Variants in ST18 observed in about 807,000 individuals in gnomAD.
The protein encoded by ST18 is suppression of tumorigenicity 18 protein.
ST18 carries 50 observed loss-of-function variants against 110.0 expected under a neutral mutation model. That is an observed-to-expected ratio of 0.45 (90% CI 0.36 to 0.58). The LOEUF is 0.58. Among genes scored for constraint, ST18 ranks in the 20% least tolerant of loss-of-function variants. The probability of loss-of-function intolerance (pLI) is 0.00; values close to 1 mark genes in which losing one functional copy is unlikely to be tolerated. For synonymous variants in ST18, 461 were observed against 452.4 expected (o/e 1.02, Z -0.24); for missense variants, 1,306 against 1,280.1 (o/e 1.02, Z -0.31).
intron 2 of ST18, among the ~76,000 whole-genome samples, chr8:52,266,051 G>C (rs2094857169): frequency 6.6e-6 from 1 of 152,190 alleles, no homozygotes. Context: ...TACTGGCAAG[G>C]AGTCAAATTA....
At chr8:52,169,589 G>A (rs917931737) in intron 10 of ST18, among the ~76,000 whole-genome samples, 1 of 152,170 alleles carries the variant, frequency 6.6e-6, no homozygotes, top group African/African-American at 2.4e-5. Flanking sequence ...GGGAGGTTAG[G>A]TTGGTATTTT....
chr8:52,405,239 G>A (rs958223183), intron 2 of ST18: 2 of 152,078 alleles, frequency 1.3e-5, no homozygotes, highest in African/African-American at 4.8e-5. Context: ...TTTTTAAAAC[G>A]GTGATTTAGG....
chr8:52,138,766 A>G (rs547496763), intron 17 of ST18, among the ~76,000 whole-genome samples: 4 of 152,322 alleles, frequency 2.6e-5, no homozygotes, highest in African/African-American at 9.6e-5. Flanking sequence ...GTCAGTTATT[A>G]GAGGGGAACA....
intron 2 of ST18, among the ~76,000 whole-genome samples, chr8:52,338,272 G>T (rs1005550317): frequency 6.6e-6 from 1 of 151,942 alleles, no homozygotes; most frequent in African/African-American, 2.4e-5. Flanking sequence ...TGGCCAGGCT[G>T]GTCTCAAACT....
At position 52,407,459 on chromosome 8, in the gene ST18, T is replaced by A. The variant is rs1163065785; in HGVS notation, c.-465+1869A>T. The A allele has an allele frequency of 4.2e-5, 4 of 96,266 alleles. 1 individual carries two copies. Among genetic ancestry groups the A allele is most frequent in the Non-Finnish European group, 1.1e-4 (4 of 36,556 alleles). The allele number at this position is 96,266 out of a possible 1,614,324, so 6.0% of individuals were successfully genotyped here. ...ATTTGTGATTTTTTCAATATTTTTATCAAAAAAATCACCCCAAAAAGCTGC... is the reference window on the plus strand; with the variant it reads ...ATTTGTGATTTTTTCAATATTTTTAACAAAAAAATCACCCCAAAAAGCTGC... On this transcript the variant is annotated intron_variant, in intron 2 of 25. Coordinates refer to ENST00000689386, the MANE Select transcript of ST18 (RefSeq NM_001352837.2).
At chr8:52,302,242 C>G (rs1234052229) in intron 2 of ST18, among the ~76,000 whole-genome samples, 1 of 152,112 alleles carries the variant, frequency 6.6e-6, no homozygotes, top group Non-Finnish European at 1.5e-5. Context: ...CTCCCAGTAT[C>G]AGAGAGGAAT....
intron 9 of ST18, among the ~76,000 whole-genome samples, chr8:52,172,814 T>C (rs1169623344): frequency 6.6e-6 from 1 of 152,122 alleles, no homozygotes; most frequent in African/African-American, 2.4e-5. Context: ...ACCTTAATAG[T>C]CTAAGAACTG....
Position 52,122,052 on chromosome 8 carries a change from G to A in ST18, c.2756-3611C>T, listed in dbSNP as rs145735760. Among the ~76,000 whole-genome samples the A allele has an allele frequency of 4.6e-3, 700 of 152,214 alleles. 9 individuals carry two copies. The highest frequency in any genetic ancestry group is 0.016 in the African/African-American group (648 of 41,550). On this transcript the variant is annotated intron_variant, in intron 23 of 25. Transcript: ENST00000689386. ...GTAAAGACAGAGTTTCACCATGTTG[G>A]TCAGGATGGTCTCAATCTCTTGACC...
intron 10 of ST18, among the ~76,000 whole-genome samples, chr8:52,168,731 C>A (rs1024613458): frequency 1.3e-5 from 2 of 152,060 alleles, no homozygotes; most frequent in African/African-American, 4.8e-5. Context: ...CTCTGCATTT[C>A]GTAATAGACA....
At chr8:52,224,198 A>T (rs1466699371) in intron 3 of ST18, among the ~76,000 whole-genome samples, 2 of 152,192 alleles carry the variant, frequency 1.3e-5, no homozygotes, top group Admixed American at 1.3e-4. Flanking sequence ...TCAGTATGAT[A>T]CTTTAAGTTA....
intron 2 of ST18, among the ~76,000 whole-genome samples, chr8:52,388,975 A>T (rs1282126980): frequency 2.0e-5 from 3 of 150,404 alleles, no homozygotes; most frequent in African/African-American, 4.9e-5. Context: ...TAATAATTTA[A>T]AAAAAAAAAA....
chr8:52,308,225 A>G (rs1230863255), intron 2 of ST18, among the ~76,000 whole-genome samples: 1 of 152,226 alleles, frequency 6.6e-6, no homozygotes, highest in Non-Finnish European at 1.5e-5. Context: ...CCAAGGCGAA[A>G]AAACCACATC....
intron 2 of ST18, among the ~76,000 whole-genome samples, chr8:52,232,137 T>C (rs1417683418): frequency 6.6e-6 from 1 of 152,230 alleles, no homozygotes; most frequent in Admixed American, 6.5e-5. Flanking sequence ...CACTTTATTT[T>C]TGAGCTATTT....
At chr8:52,285,318 A>G (rs1032247076) in intron 2 of ST18, among the ~76,000 whole-genome samples, 4 of 152,234 alleles carry the variant, frequency 2.6e-5, no homozygotes, top group African/African-American at 9.6e-5. Context: ...AATAAAGGCT[A>G]AAAATATTAT....
chr8:52,272,983 T>C (rs1003983761), intron 2 of ST18, among the ~76,000 whole-genome samples: 2 of 152,238 alleles, frequency 1.3e-5, no homozygotes, highest in Non-Finnish European at 2.9e-5. Context: ...AGAGATCTGC[T>C]ATACAACACT....
chr8:52,176,946 T>A (rs1302740219), intron 9 of ST18, among the ~76,000 whole-genome samples: 1 of 152,216 alleles, frequency 6.6e-6, no homozygotes, highest in East Asian at 1.9e-4. Context: ...GAATTCATCT[T>A]TCAAAGTTCC....
chr8:52,362,695 G>C (rs945933971), intron 2 of ST18, among the ~76,000 whole-genome samples: 5 of 152,100 alleles, frequency 3.3e-5, no homozygotes. Context: ...GAGGACACAA[G>C]CAATCCTTGA....
At chr8:52,208,059 C>T (rs1303874423) in intron 8 of ST18, among the ~76,000 whole-genome samples, 1 of 152,016 alleles carries the variant, frequency 6.6e-6, no homozygotes, top group Non-Finnish European at 1.5e-5. Context: ...TAAAGGTGGG[C>T]CTGTGGTTAT....
chr8:52,266,569 T>G (rs1589441617), intron 2 of ST18, among the ~76,000 whole-genome samples: 1 of 140,380 alleles, frequency 7.1e-6, no homozygotes, highest in African/African-American at 2.7e-5. Flanking sequence ...TGAGACAGAG[T>G]CTCACTCTGT....
Sources: allele counts gnomAD v4.1 joint callset (sites outside exome capture counted in the v4.1 genomes callset), GRCh38; gene constraint gnomAD v4.1.1; transcripts MANE v1.5; gene names NCBI Gene and HGNC (gene_info 2026-07-23, HGNC 2026-07-21).